Variants in ZCCHC14 observed in about 807,000 individuals in gnomAD.
ZCCHC14 encodes zinc finger CCHC domain-containing protein 14.
Under a neutral mutation model 85.0 loss-of-function variants are expected in ZCCHC14, and 16 were observed. The observed-to-expected ratio is 0.19, with a 90% CI of 0.13 to 0.29. The LOEUF (loss-of-function observed/expected upper bound fraction) is 0.29, where lower values mean the gene tolerates loss of function less well. ZCCHC14 is among the 10% of genes least tolerant of loss of function. The pLI is 1.00. For missense variants in ZCCHC14, 1,303 were observed against 1,443.5 expected, an observed-to-expected ratio of 0.90 and a Z score of 1.58; for synonymous variants, 775 against 630.7, an observed-to-expected ratio of 1.23 and a Z score of -3.43.
intron 1 of ZCCHC14, among the ~76,000 whole-genome samples, chr16:87,484,541 G>A (rs949192269): frequency 1.3e-5 from 2 of 152,202 alleles, no homozygotes; most frequent in African/African-American, 4.8e-5. Flanking sequence ...AAGATCCTAC[G>A]TGTATCTAAG....
At position 87,406,585 on chromosome 16, in the gene ZCCHC14, CCTTCT is replaced by C. The variant is rs1451967505; in HGVS notation, c.*3690_*3694del. The C allele has an allele frequency of 6.6e-6, 1 of 152,396 alleles. No individual in the cohort carries two copies. The highest frequency in any genetic ancestry group is 1.5e-5 in the Non-Finnish European group (1 of 68,038). 9.4% of individuals were successfully genotyped at this position (152,396 alleles called of 1,614,324 possible). A position where few individuals can be genotyped will look rare whatever the true frequency, so the allele number is the denominator to read the frequency against. ...AAGGTGTCCAGTTTCAGTACCAAAG[CCTTCT>C]CTTTTTGTGCACGTAAGACTCACAC... On this transcript the variant is annotated 3_prime_UTR_variant, in exon 13 of 13. Transcript: ENST00000671377.
chr16:87,469,673 G>A (rs1393743868), intron 1 of ZCCHC14, among the ~76,000 whole-genome samples: 2 of 152,222 alleles, frequency 1.3e-5, no homozygotes, highest in East Asian at 1.9e-4. Context: ...TTGCGGTGTG[G>A]CTGGAGGACA....
intron 1 of ZCCHC14, among the ~76,000 whole-genome samples, chr16:87,462,187 A>C (rs1282230135): frequency 6.6e-6 from 1 of 151,698 alleles, no homozygotes; most frequent in Non-Finnish European, 1.5e-5. Context: ...TGGATAACTT[A>C]ATAACATGTT....
chr16:87,428,898 C>CG (rs60734609), intron 3 of ZCCHC14, among the ~76,000 whole-genome samples: 1 of 152,140 alleles, frequency 6.6e-6, no homozygotes, highest in East Asian at 1.9e-4. Flanking sequence ...GCATTACTGC[C>CG]GGGGGTGGTA....
intron 1 of ZCCHC14, among the ~76,000 whole-genome samples, chr16:87,476,300 T>C (rs930665166): frequency 6.6e-6 from 1 of 152,214 alleles, no homozygotes; most frequent in African/African-American, 2.4e-5. Context: ...TAAATAGACC[T>C]GGTTCCACTT....
rs1783460354 is a variant in ZCCHC14 at position 87,423,747 on chromosome 16, G to A, written c.840+63C>T. 3 of 1,569,126 alleles carry A rather than the reference G, an allele frequency of 1.9e-6. No homozygotes were observed. The Admixed American group carries it at 5.1e-5, about 27-fold the overall frequency. On this transcript the variant is annotated intron_variant, in intron 4 of 12. Coordinates refer to ENST00000671377, the MANE Select transcript of ZCCHC14 (RefSeq NM_015144.3). ...GAGTGGCCTCTGAAATTACTCCGTG[G>A]TATCATCAGCCACTGGGGAATGTGA...
At position 87,417,481 on chromosome 16, in the gene ZCCHC14, A is replaced by G. The variant is rs1451613484; in HGVS notation, c.1362T>C (p.Phe454=). ...KLRLHKYYPV[F]KQLSMEKFLS... ...ATACCTTCTCCATGGAGAGCTGCTT[A>G]AAGACGGGGTAATACTTGTGCAAAC... is the stretch of plus-strand genomic sequence containing the variant. The change falls in exon 8 of 13, where the codon TTT becomes TTC. Residue 454 remains phenylalanine, a synonymous_variant. Coordinates refer to ENST00000671377, the MANE Select transcript of ZCCHC14 (RefSeq NM_015144.3). 4 of 1,614,046 alleles carry G rather than the reference A, an allele frequency of 2.5e-6. No homozygotes were observed. Among genetic ancestry groups the G allele is most frequent in the East Asian group, 4.5e-5 (2 of 44,894 alleles).
At chr16:87,464,839 T>C (rs1230543741) in intron 1 of ZCCHC14, among the ~76,000 whole-genome samples, 2 of 152,238 alleles carry the variant, frequency 1.3e-5, no homozygotes, top group East Asian at 1.9e-4. Context: ...ACGTGACCTA[T>C]GTTCCACTCA....
chr16:87,418,036 G>C (rs1908887022), intron 7 of ZCCHC14: 2 of 442,120 alleles, frequency 4.5e-6, no homozygotes, highest in African/African-American at 1.9e-5. Context: ...GCGTCTACTT[G>C]TGTGTACGTA....
chr16:87,431,505 A>AAAAGT (rs1403663777), intron 3 of ZCCHC14, among the ~76,000 whole-genome samples: 1 of 151,496 alleles, frequency 6.6e-6, no homozygotes, highest in Non-Finnish European at 1.5e-5. Context: ...AAGAAAAGAG[A>AAAAGT]AAAGTAAAGC....
intron 4 of ZCCHC14, among the ~76,000 whole-genome samples, chr16:87,421,310 C>T (rs1173195484): frequency 6.6e-6 from 1 of 152,174 alleles, no homozygotes; most frequent in East Asian, 1.9e-4. Flanking sequence ...AAAAATTGCT[C>T]CTGGCCCCAG....
rs1291630913 is a variant in ZCCHC14 at position 87,410,238 on chromosome 16, T to C, written c.*42A>G. 1 of 706,344 alleles carries C rather than the reference T, an allele frequency of 1.4e-6. No homozygotes were observed. The highest frequency in any genetic ancestry group is 2.6e-6 in the Non-Finnish European group (1 of 386,192). The allele number at this position is 706,344 out of a possible 1,614,324, so 43.8% of individuals were successfully genotyped here. On this transcript the variant is annotated 3_prime_UTR_variant, in exon 13 of 13. Transcript: ENST00000671377. ...TCAGTTTTGTATTTAATTTTCCTTA[T>C]GTCTCCATGGCTTAATAACGTTCTG...
At chr16:87,425,800 C>A (rs925807417) in intron 3 of ZCCHC14, among the ~76,000 whole-genome samples, 1 of 152,160 alleles carries the variant, frequency 6.6e-6, no homozygotes, top group Non-Finnish European at 1.5e-5. Flanking sequence ...CAAGGTAAAG[C>A]GTGTCATAGA....
Position 87,433,046 on chromosome 16 carries a change from G to A in ZCCHC14, c.768+82C>T, listed in dbSNP as rs1909740692. ...GGGCTTTGCACAAGGCACAGCCTTA[G>A]CTAGGAAGGAAAAGCATCTCCAGGG... is the stretch of plus-strand genomic sequence containing the variant. On this transcript the variant is annotated intron_variant, in intron 3 of 12. Coordinates refer to ENST00000671377, the MANE Select transcript of ZCCHC14 (RefSeq NM_015144.3). 1.2e-5 allele frequency: 17 copies of A among 1,433,856 alleles called. No homozygotes were observed. In the East Asian group the frequency reaches 3.8e-4, roughly 32 times the overall value. The allele number at this position is 1,433,856 out of a possible 1,614,324, so 88.8% of individuals were successfully genotyped here.
At chr16:87,469,494 C>T (rs1221555786) in intron 1 of ZCCHC14, among the ~76,000 whole-genome samples, 2 of 152,222 alleles carry the variant, frequency 1.3e-5, no homozygotes, top group African/African-American at 4.8e-5. Flanking sequence ...GCCGTCTCGG[C>T]GGCCAGTGCT....
intron 3 of ZCCHC14, among the ~76,000 whole-genome samples, chr16:87,430,031 A>G (rs761256039): frequency 1.3e-5 from 2 of 152,264 alleles, no homozygotes; most frequent in Non-Finnish European, 2.9e-5. Flanking sequence ...TTCTCTTCAT[A>G]GCATCTCTCA....
intron 2 of ZCCHC14, among the ~76,000 whole-genome samples, chr16:87,440,511 A>T (rs182405544): frequency 6.6e-6 from 1 of 152,244 alleles, no homozygotes; most frequent in East Asian, 1.9e-4. Flanking sequence ...ATAAAACAGA[A>T]TTTGTAACAT....
chr16:87,465,589 T>C (rs1020868801), intron 1 of ZCCHC14, among the ~76,000 whole-genome samples: 2 of 152,188 alleles, frequency 1.3e-5, no homozygotes, highest in African/African-American at 4.8e-5. Context: ...CTGGCTCTTA[T>C]GCAATCACCC....
In ZCCHC14 at chr16:87,492,252, C is replaced by G. The variant is rs1392338825; in HGVS notation, c.-14G>C. 1.0e-6 allele frequency: 1 copy of G among 981,634 alleles called. No individual in the cohort carries two copies. The highest frequency in any genetic ancestry group is 4.7e-5 in the South Asian group (1 of 21,268). The allele number at this position is 981,634 out of a possible 1,614,324, so 60.8% of individuals were successfully genotyped here. A position where few individuals can be genotyped will look rare whatever the true frequency, so the allele number is the denominator to read the frequency against. Reference sequence around the variant, plus strand: ...CTTCTCCACCATGCTGCCGCCCGCGCCGCGCCGCGACCCGGGGCCGGGGAC... The same window carrying G: ...CTTCTCCACCATGCTGCCGCCCGCGGCGCGCCGCGACCCGGGGCCGGGGAC... On this transcript the variant is annotated 5_prime_UTR_variant, in exon 1 of 13. Coordinates refer to ENST00000671377, the MANE Select transcript of ZCCHC14 (RefSeq NM_015144.3). This position sits in a 1 kb window ranked among gnomAD's most constrained non-coding sequence, Gnocchi z 6.7.
Sources: allele counts gnomAD v4.1 joint callset (sites outside exome capture counted in the v4.1 genomes callset), GRCh38; gene constraint gnomAD v4.1.1; non-coding constraint Gnocchi (gnomAD v3.1); transcripts MANE v1.5; gene names NCBI Gene and HGNC (gene_info 2026-07-23, HGNC 2026-07-21).